PIK3R6: variants seen among roughly 807,000 people sequenced by gnomAD.
PIK3R6 encodes phosphoinositide-3-kinase regulatory subunit 6.
PIK3R6 carries 91 observed loss-of-function variants against 84.9 expected under a neutral mutation model. The observed-to-expected ratio is 1.07, with a 90% CI of 0.90 to 1.28. The LOEUF (loss-of-function observed/expected upper bound fraction) is 1.28. Ranked by LOEUF, PIK3R6 falls within the 50% of genes most tolerant of loss-of-function variation. The probability of loss-of-function intolerance (pLI) is 0.00; values close to 1 mark genes in which losing one functional copy is unlikely to be tolerated. For missense variants in PIK3R6, 996 were observed against 985.1 expected (o/e 1.01, Z -0.15); for synonymous variants, 416 against 411.4 (o/e 1.01, Z -0.13).
chr17:8,823,017 G>T lies in PIK3R6; in HGVS notation c.1696C>A (p.Gln566Lys). The T allele has an allele frequency of 6.2e-7, 1 of 1,609,074 alleles. No individual in the cohort carries two copies. The highest frequency in any genetic ancestry group is 8.5e-7 in the Non-Finnish European group (1 of 1,175,488). Reference protein sequence around the residue: ...IFLIELKVKIQDSKFPKDGFS... With the variant: ...IFLIELKVKIKDSKFPKDGFS... Reference sequence around the variant, plus strand: ...TTACCTTTGGGGAATTTAGAATCTTGGATCTTCACCTTCAGTTCAATGAGG... The same window carrying T: ...TTACCTTTGGGGAATTTAGAATCTTTGATCTTCACCTTCAGTTCAATGAGG... The change falls in exon 15 of 20, where the codon CAA (glutamine) becomes AAA (lysine). Residue 566 changes from glutamine (Q) to lysine (K), a missense_variant. Physicochemically the swap from Gln to Lys is moderately conservative, Grantham distance 53. Coordinates refer to ENST00000619866, the MANE Select transcript of PIK3R6 (RefSeq NM_001010855.4).
chr17:8,818,201 G>T (rs115107688), intron 18 of PIK3R6, among the ~76,000 whole-genome samples: 38 of 152,170 alleles, frequency 2.5e-4, no homozygotes, highest in Non-Finnish European at 1.2e-4. Context: ...GACCTAAATC[G>T]GTGCGTAAGC....
At chr17:8,807,251 G>A (rs1322962126) in intron 18 of PIK3R6, among the ~76,000 whole-genome samples, 4 of 152,136 alleles carry the variant, frequency 2.6e-5, no homozygotes, top group South Asian at 2.1e-4. Context: ...TTCCAGTTCC[G>A]GCTTGAGATC....
At chr17:8,827,131 C>G in intron 13 of PIK3R6, 41 bp downstream of exon 13, 1 of 1,603,762 alleles carries the variant, frequency 6.2e-7, no homozygotes, top group Non-Finnish European at 8.5e-7. Context: ...GACCCCACTC[C>G]CGTCCCTCTC....
At chr17:8,847,858 T>C (rs896201511) in intron 2 of PIK3R6, among the ~76,000 whole-genome samples, 1 of 152,048 alleles carries the variant, frequency 6.6e-6, no homozygotes, top group Non-Finnish European at 1.5e-5. Flanking sequence ...TCATCCTGAT[T>C]TGGGGATGTT....
At chr17:8,834,930 C>T (rs576258156) in intron 8 of PIK3R6, among the ~76,000 whole-genome samples, 160 of 152,136 alleles carry the variant, frequency 1.1e-3, no homozygotes, top group African/African-American at 3.7e-3. Context: ...CTCCACTTTC[C>T]GGGTTCAAGC....
At chr17:8,834,563 T>TTA in intron 8 of PIK3R6, among the ~76,000 whole-genome samples, 1 of 151,580 alleles carries the variant, frequency 6.6e-6, no homozygotes, top group South Asian at 2.1e-4. Context: ...TTTTTTTTTT[T>TTA]ATTACTTTTT....
intron 1 of PIK3R6, among the ~76,000 whole-genome samples, chr17:8,863,131 G>A (rs1326923237): frequency 2.0e-5 from 3 of 152,154 alleles, no homozygotes; most frequent in African/African-American, 7.2e-5. Flanking sequence ...GAAGGGGAAG[G>A]AGGGGTTCTA....
intron 13 of PIK3R6, among the ~76,000 whole-genome samples, chr17:8,823,766 G>A (rs1180949688): frequency 6.6e-6 from 1 of 152,194 alleles, no homozygotes; most frequent in African/African-American, 2.4e-5. Context: ...ACTGTGCTAA[G>A]TGATTGAGGG....
chr17:8,844,608 A>C lies in PIK3R6; in HGVS notation c.14-4911T>G, dbSNP rs1030499173. Reference sequence around the variant, plus strand: ...AGGTATTAATATTATTATTAATATTAAACTTTTTTTATTTAAAATTTTTTT... The same window carrying C: ...AGGTATTAATATTATTATTAATATTCAACTTTTTTTATTTAAAATTTTTTT... On this transcript the variant is annotated intron_variant, in intron 2 of 19. Transcript: ENST00000619866. The surrounding 1 kb of genome is among the most constrained non-coding windows in gnomAD (Gnocchi z 4.5). Among the ~76,000 whole-genome samples the C allele has an allele frequency of 6.6e-6, 1 of 152,022 alleles. No individual in the cohort carries two copies. Among genetic ancestry groups the C allele is most frequent in the African/African-American group, 2.4e-5 (1 of 41,416 alleles).
At chr17:8,827,758 AG>A (rs2087982189) in intron 12 of PIK3R6, among the ~76,000 whole-genome samples, 1 of 66,318 alleles carries the variant, frequency 1.5e-5, no homozygotes, top group African/African-American at 9.0e-5. Flanking sequence ...AGAGAGAGAG[AG>A]AGAGGAGAGA....
intron 2 of PIK3R6, among the ~76,000 whole-genome samples, chr17:8,845,242 TC>T (rs1329173006): frequency 6.6e-6 from 1 of 152,180 alleles, no homozygotes; most frequent in Non-Finnish European, 1.5e-5. Flanking sequence ...CTTTGTGAAA[TC>T]TCCAAACTGC....
intron 1 of PIK3R6, among the ~76,000 whole-genome samples, chr17:8,852,876 G>T (rs955928757): frequency 5.3e-5 from 8 of 152,124 alleles, no homozygotes; most frequent in African/African-American, 1.9e-4. Flanking sequence ...GCCTTTCTGG[G>T]TGATTGCTGG....
intron 18 of PIK3R6, among the ~76,000 whole-genome samples, chr17:8,814,213 ATCT>A (rs2087452300): frequency 1.3e-5 from 1 of 76,408 alleles, no homozygotes; most frequent in Non-Finnish European, 2.3e-5. Flanking sequence ...TCAGAGAGAG[ATCT>A]TTTTTTTTTT....
In PIK3R6 at chr17:8,823,376, G is replaced by A. The variant is rs757920775; in HGVS notation, c.1626+11C>T. The A allele has an allele frequency of 5.1e-6, 8 of 1,566,532 alleles. No individual in the cohort carries two copies. Among genetic ancestry groups the A allele is most frequent in the African/African-American group, 2.7e-5 (2 of 73,940 alleles). ...CCTGGGGTCCCTTGGAGCCTCCAGT[G>A]GGATGCTTACCTTGACTGTGTAGAT... On this transcript the variant is annotated intron_variant, in intron 14 of 19. Transcript: ENST00000619866.
chr17:8,822,908 C>T (rs2087788688), intron 15 of PIK3R6, 88 bp downstream of exon 15: 4 of 1,143,458 alleles, frequency 3.5e-6, no homozygotes, highest in Non-Finnish European at 5.3e-6. Context: ...TGTGGGCGTG[C>T]AGGCATCATC....
intron 13 of PIK3R6, among the ~76,000 whole-genome samples, chr17:8,824,041 G>C (rs1473494605): frequency 1.3e-5 from 2 of 152,152 alleles, no homozygotes; most frequent in Non-Finnish European, 2.9e-5. Context: ...AGGCTGAGGT[G>C]GGCGGGTCAC....
chr17:8,828,632 G>A lies in PIK3R6; in HGVS notation c.1248C>T (p.Ala416=). The part of the protein sequence containing the change: ...MLPGVSRLHT[A]RVLVLGDDRM... The stretch of plus-strand genomic sequence containing the variant: ...TGTCATCTCCGAGCACAAGTACCCG[G>A]GCTGTGTGCAGCCGGGACACGCCGG... The change falls in exon 11 of 20, where the codon GCC becomes GCT. Residue 416 remains alanine (A), a synonymous_variant. Transcript: ENST00000619866. 6.2e-7 allele frequency: 1 copy of A among 1,613,456 alleles called. No individual in the cohort carries two copies. Among genetic ancestry groups the A allele is most frequent in the Non-Finnish European group, 8.5e-7 (1 of 1,179,704 alleles).
Position 8,803,836 on chromosome 17 carries a change from G to A in PIK3R6, c.2108+205C>T. 1 of 601,716 alleles carries A rather than the reference G, an allele frequency of 1.7e-6. No individual in the cohort carries two copies. Among genetic ancestry groups the A allele is most frequent in the Middle Eastern group, 4.4e-4 (1 of 2,252 alleles). The allele number at this position is 601,716 out of a possible 1,614,324, so 37.3% of individuals were successfully genotyped here. A position where few individuals can be genotyped will look rare whatever the true frequency, so the allele number is the denominator to read the frequency against. On this transcript the variant is annotated intron_variant, in intron 19 of 19. Transcript: ENST00000619866. This position sits in a 1 kb window ranked among gnomAD's most constrained non-coding sequence, Gnocchi z 5.0. Reference sequence around the variant, plus strand: ...AATGCAATATCAGCTGCTGCCCTGGGTATGCCATTCATTTGCCTCGACTTC... The same window carrying A: ...AATGCAATATCAGCTGCTGCCCTGGATATGCCATTCATTTGCCTCGACTTC...
At position 8,822,025 on chromosome 17, in the gene PIK3R6, CCT is replaced by C. The variant is rs1164347508; in HGVS notation, c.1789-91_1789-90del. The C allele has an allele frequency of 2.4e-5, 26 of 1,090,066 alleles. 1 individual carries two copies. The Admixed American group carries it at 2.5e-4, about 11-fold the overall frequency. The allele number at this position is 1,090,066 out of a possible 1,614,324, so 67.5% of individuals were successfully genotyped here. On this transcript the variant is annotated intron_variant, in intron 16 of 19. Coordinates refer to ENST00000619866, the MANE Select transcript of PIK3R6 (RefSeq NM_001010855.4). ...CACATCCACAGTCTTGCCTCTCTCC[CCT>C]GTTTTCCACCCCTGCTGTGAGAGTC...
Sources: gnomAD v4.1 joint callset for allele counts (sites outside exome capture counted in the v4.1 genomes callset) on GRCh38, gnomAD v4.1.1 for gene constraint, Gnocchi (gnomAD v3.1) non-coding constraint, MANE v1.5 for transcripts, NCBI Gene and HGNC (gene_info 2026-07-23, HGNC 2026-07-21) for gene names.